ULK4: variants seen among roughly 807,000 people sequenced by gnomAD.
The protein encoded by ULK4 is unc-51 like kinase 4.
In ULK4, 133 loss-of-function variants were observed where a neutral mutation model predicts 160.6. That is an observed-to-expected ratio of 0.83 (90% confidence interval 0.72 to 0.96). ULK4 has a LOEUF of 0.96. ULK4 is among the 40% of genes least tolerant of loss of function. ULK4 has a pLI of 0.00. For synonymous variants in ULK4, 534 were observed against 539.8 expected (o/e 0.99, Z 0.15); for missense variants, 1,580 against 1,499.5 (o/e 1.05, Z -0.89).
At chr3:41,746,286 A>AAAAAAAAAAAC (rs2038418875) in intron 22 of ULK4, among the ~76,000 whole-genome samples, 1 of 148,788 alleles carries the variant, frequency 6.7e-6, no homozygotes, top group African/African-American at 2.5e-5. Context: ...AAAAAAAAAA[A>AAAAAAAAAAAC]AAAAAAAAAA....
intron 20 of ULK4, among the ~76,000 whole-genome samples, chr3:41,790,250 A>G (rs2040110954): frequency 6.6e-6 from 1 of 152,248 alleles, no homozygotes. Flanking sequence ...TCTGAAGATT[A>G]CCTCAATTAA....
intron 31 of ULK4, among the ~76,000 whole-genome samples, chr3:41,598,515 T>C (rs1274865405): frequency 6.6e-6 from 1 of 152,098 alleles, no homozygotes; most frequent in East Asian, 1.9e-4. Context: ...AACCTAGAAA[T>C]TGCCACAGTT....
At chr3:41,358,660 C>T (rs79198972) in intron 35 of ULK4, among the ~76,000 whole-genome samples, 10,957 of 152,086 alleles carry the variant, frequency 0.072, 565 homozygotes, top group Non-Finnish European at 0.11. Flanking sequence ...AAGTGCATCA[C>T]GACTGGAGTG....
At chr3:41,745,209 G>A (rs1411549983) in intron 22 of ULK4, among the ~76,000 whole-genome samples, 1 of 150,854 alleles carries the variant, frequency 6.6e-6, no homozygotes, top group African/African-American at 2.5e-5. Context: ...ATCAGGGAAT[G>A]GACTGAAAAC....
At chr3:41,279,390 G>A (rs1452571693) in intron 35 of ULK4, among the ~76,000 whole-genome samples, 1 of 151,968 alleles carries the variant, frequency 6.6e-6, no homozygotes, top group Non-Finnish European at 1.5e-5. Context: ...AACTCTTCAG[G>A]ATATTATCCA....
At chr3:41,326,854 A>G (rs1177509947) in intron 35 of ULK4, among the ~76,000 whole-genome samples, 2 of 152,230 alleles carry the variant, frequency 1.3e-5, no homozygotes, top group African/African-American at 4.8e-5. Flanking sequence ...CCTAGCAATC[A>G]GAGGGACCCC....
intron 1 of ULK4, among the ~76,000 whole-genome samples, chr3:41,959,482 G>A (rs1411274447): frequency 6.6e-6 from 1 of 151,876 alleles, no homozygotes; most frequent in African/African-American, 2.4e-5. Context: ...AGCCGATTGC[G>A]CCACTGCACT....
At chr3:41,771,195 T>C (rs1399033700) in intron 21 of ULK4, among the ~76,000 whole-genome samples, 1 of 152,206 alleles carries the variant, frequency 6.6e-6, no homozygotes, top group Non-Finnish European at 1.5e-5. Flanking sequence ...AAATACCACA[T>C]AATAATCTGT....
At chr3:41,882,720 G>A (rs549437649) in intron 17 of ULK4, among the ~76,000 whole-genome samples, 20 of 152,130 alleles carry the variant, frequency 1.3e-4, no homozygotes, top group African/African-American at 2.7e-4. Flanking sequence ...CTGCTCTGAC[G>A]ATGCAGGAAC....
intron 32 of ULK4, among the ~76,000 whole-genome samples, chr3:41,506,450 T>C (rs946352215): frequency 4.6e-5 from 7 of 152,140 alleles, no homozygotes; most frequent in African/African-American, 1.4e-4. Context: ...CAATAATTCA[T>C]CTAACATTCT....
rs371207552 is a variant in ULK4, at chr3:41,522,871, C to A, written c.3226+43154G>T. ...TATCACAAGAGGAACTGGGTAAGAA[C>A]TGGTGAAAAAACAGTCAACAGATCA... On this transcript the variant is annotated intron_variant, in intron 32 of 36. Transcript: ENST00000301831. Among the ~76,000 whole-genome samples the A allele has an allele frequency of 7.2e-5, 11 of 152,246 alleles. No individual in the cohort carries two copies. In the South Asian group the frequency reaches 1.9e-3, roughly 26 times the overall value.
chr3:41,842,178 T>TAAAAAAA (rs1178331973), intron 17 of ULK4, among the ~76,000 whole-genome samples: 1 of 113,456 alleles, frequency 8.8e-6, no homozygotes, highest in African/African-American at 4.4e-5. Context: ...AATGAACATG[T>TAAAAAAA]AAAAAAAAAA....
At chr3:41,620,535 T>C (rs1311856018) in intron 30 of ULK4, among the ~76,000 whole-genome samples, 1 of 152,220 alleles carries the variant, frequency 6.6e-6, no homozygotes, top group Non-Finnish European at 1.5e-5. Flanking sequence ...TCTCAATAGA[T>C]GCAGAAAAGG....
At position 41,915,975 on chromosome 3, in the gene ULK4, A is replaced by G. The variant is rs1698954438; in HGVS notation, c.803+2T>C. On this transcript the variant is annotated splice_donor_variant, in intron 8 of 36. Coordinates refer to ENST00000301831, the MANE Select transcript of ULK4 (RefSeq NM_017886.4). LOFTEE classifies it high-confidence loss of function. ...AAAAAAAGATCGAACTACTGTCCCT[A>G]CCTTTTCTGAGGATCTCTTTGAAGT... The G allele has an allele frequency of 1.9e-6, 3 of 1,586,590 alleles. No individual in the cohort carries two copies. The highest frequency in any genetic ancestry group is 2.6e-6 in the Non-Finnish European group (3 of 1,171,248).
chr3:41,935,209 A>ATTTATTTT (rs1559660879), intron 4 of ULK4, among the ~76,000 whole-genome samples: 5 of 135,612 alleles, frequency 3.7e-5, no homozygotes, highest in African/African-American at 1.6e-4. Context: ...TTATTTATTT[A>ATTTATTTT]TTTTTTTTTT....
intron 30 of ULK4, among the ~76,000 whole-genome samples, chr3:41,657,601 T>C (rs753327546): frequency 6.6e-6 from 1 of 151,916 alleles, no homozygotes; most frequent in Non-Finnish European, 1.5e-5. Context: ...GGGTGGACCA[T>C]GAGGTTAGGA....
chr3:41,285,499 CA>C (rs1196445015), intron 35 of ULK4, among the ~76,000 whole-genome samples: 1 of 152,052 alleles, frequency 6.6e-6, no homozygotes, highest in African/African-American at 2.4e-5. Context: ...AATGGAAAAC[CA>C]AACATTGTAT....
intron 35 of ULK4, among the ~76,000 whole-genome samples, chr3:41,358,100 C>T (rs2125769413): frequency 6.6e-6 from 1 of 152,334 alleles, no homozygotes; most frequent in Admixed American, 6.5e-5. Context: ...TTCACCATTA[C>T]ACCACACTGC....
At position 41,935,649 on chromosome 3, in the gene ULK4, C is replaced by T. The variant is rs549785831; in HGVS notation, c.378+152G>A. The T allele has an allele frequency of 1.3e-4, 124 of 926,034 alleles. No homozygotes were observed. In the African/African-American group the frequency reaches 2.0e-3, roughly 15 times the overall value. The allele number at this position is 926,034 out of a possible 1,614,324, so 57.4% of individuals were successfully genotyped here. ...GTGCTAGGATTACAGGCATGAGCCACCGTGCCCTGCCTCCTTTTATTTTAA... is the reference window on the plus strand; with the variant it reads ...GTGCTAGGATTACAGGCATGAGCCATCGTGCCCTGCCTCCTTTTATTTTAA... On this transcript the variant is annotated intron_variant, in intron 4 of 36. Transcript: ENST00000301831.
Sources: allele counts gnomAD v4.1 joint callset (sites outside exome capture counted in the v4.1 genomes callset), GRCh38; gene constraint gnomAD v4.1.1; transcripts MANE v1.5; gene names NCBI Gene and HGNC (gene_info 2026-07-23, HGNC 2026-07-21).